The following CACNA1E variants were observed in gnomAD, a reference collection of about 807,000 sequenced individuals.
CACNA1E encodes the protein calcium voltage-gated channel subunit alpha1 E.
In CACNA1E, 40 loss-of-function variants were observed where a neutral mutation model predicts 259.2. The ratio of observed to expected loss-of-function variants is 0.15; its 90% confidence interval spans 0.12 to 0.20. The LOEUF is 0.20. Ranked by LOEUF, CACNA1E falls within the 10% of genes least tolerant of loss-of-function variation. The pLI is 1.00. For synonymous variants in CACNA1E, 1,104 were observed against 1,138.5 expected (o/e 0.97, Z 0.61); for missense variants, 1,874 against 3,040.1 (o/e 0.62, Z 9.02).
chr1:181,427,742 T>G (rs1390887366), intron 2 of CACNA1E, among the ~76,000 whole-genome samples: 4 of 147,878 alleles, frequency 2.7e-5, no homozygotes, highest in African/African-American at 1.0e-4. Flanking sequence ...TATGGTTGCT[T>G]CTTTCCCCTG....
chr1:181,751,203 T>C (rs569987425), intron 26 of CACNA1E, among the ~76,000 whole-genome samples: 1 of 152,260 alleles, frequency 6.6e-6, no homozygotes, highest in Non-Finnish European at 1.5e-5. Context: ...TGAATGCAAA[T>C]ATCTCAGGGG....
chr1:181,412,524 T>A (rs776273580), intron 1 of CACNA1E, among the ~76,000 whole-genome samples: 11 of 151,990 alleles, frequency 7.2e-5, no homozygotes, highest in Non-Finnish European at 1.2e-4. Flanking sequence ...GAGCCGTGAT[T>A]GCACCATTGC....
chr1:181,356,767 T>A (rs1022411952), intron 1 of CACNA1E, among the ~76,000 whole-genome samples: 1 of 152,186 alleles, frequency 6.6e-6, no homozygotes, highest in Non-Finnish European at 1.5e-5. Context: ...TCCTGTTGTA[T>A]CCTGGGAGTT....
intron 3 of CACNA1E, among the ~76,000 whole-genome samples, chr1:181,513,842 C>A (rs1666347871): frequency 6.6e-6 from 1 of 152,152 alleles, no homozygotes; most frequent in African/African-American, 2.4e-5. Context: ...GTCAGTTGTC[C>A]TCTCTGTGCT....
chr1:181,470,204 T>C (rs1275697679), intron 2 of CACNA1E, among the ~76,000 whole-genome samples: 3 of 152,078 alleles, frequency 2.0e-5, no homozygotes, highest in Admixed American at 6.5e-5. Context: ...AAATATTTTT[T>C]TTTTTATAGA....
intron 1 of CACNA1E, among the ~76,000 whole-genome samples, chr1:181,329,334 C>G (rs192387773): frequency 6.6e-6 from 1 of 152,130 alleles, no homozygotes; most frequent in Non-Finnish European, 1.5e-5. Context: ...TGTGGAGCTC[C>G]AAGCTCCACA....
chr1:181,779,095 T>C (rs1660202313), intron 38 of CACNA1E, among the ~76,000 whole-genome samples: 1 of 152,156 alleles, frequency 6.6e-6, no homozygotes, highest in Admixed American at 6.5e-5. Context: ...GTCTGAGTCA[T>C]TTGTGAATTG....
chr1:181,647,386 C>T (rs1472043748), intron 6 of CACNA1E, among the ~76,000 whole-genome samples: 2 of 152,090 alleles, frequency 1.3e-5, no homozygotes, highest in Non-Finnish European at 2.9e-5. Flanking sequence ...AAGGAGCTTG[C>T]GAGAACTGCC....
intron 46 of CACNA1E, 112 bp downstream of exon 46, chr1:181,795,156 G>A: frequency 1.2e-6 from 1 of 860,774 alleles, no homozygotes. Flanking sequence ...GACAAGGGCT[G>A]AAGAAAGTGA....
intron 1 of CACNA1E, among the ~76,000 whole-genome samples, chr1:181,487,195 G>A (rs1410432334): frequency 1.3e-5 from 2 of 152,166 alleles, no homozygotes; most frequent in East Asian, 1.9e-4. Context: ...TGTAGGACGA[G>A]GGGGATAATG....
chr1:181,465,693 CT>C (rs1330721230), intron 2 of CACNA1E, among the ~76,000 whole-genome samples: 1 of 152,036 alleles, frequency 6.6e-6, no homozygotes, highest in Non-Finnish European at 1.5e-5. Flanking sequence ...TTCAAATTAT[CT>C]TTTTTTCATT....
At chr1:181,350,217 A>G (rs550928563) in intron 1 of CACNA1E, among the ~76,000 whole-genome samples, 7 of 152,308 alleles carry the variant, frequency 4.6e-5, no homozygotes, top group African/African-American at 1.4e-4. Flanking sequence ...TGGGAAACTC[A>G]CGCAAGTGAT....
At chr1:181,683,190 T>C (rs1388421586) in intron 7 of CACNA1E, among the ~76,000 whole-genome samples, 1 of 152,246 alleles carries the variant, frequency 6.6e-6, no homozygotes, top group African/African-American at 2.4e-5. Flanking sequence ...ATCTTTGCAT[T>C]TTCCAGTCTA....
intron 2 of CACNA1E, among the ~76,000 whole-genome samples, chr1:181,446,760 T>A (rs1374375872): frequency 6.6e-6 from 1 of 152,164 alleles, no homozygotes; most frequent in African/African-American, 2.4e-5. Flanking sequence ...CTGGGAGACA[T>A]CATGAAATGT....
chr1:181,752,209 G>A lies in CACNA1E; in HGVS notation c.3798G>A (p.Leu1266=). 6.2e-7 allele frequency: 1 copy of A among 1,613,858 alleles called. No individual in the cohort carries two copies. Among genetic ancestry groups the A allele is most frequent in the Non-Finnish European group, 8.5e-7 (1 of 1,179,742 alleles). ...GGGTGCTCCGAGTTCTAAGGCCACT[G>A]AAAACCATCAAGCGCTTGCCCAAGC... The part of the protein sequence containing the change: ...SLRVLRVLRP[L]KTIKRLPKLK... The change falls in exon 27 of 48, where the codon CTG becomes CTA. Residue 1266 remains leucine (L), a synonymous_variant. Coordinates refer to ENST00000367573, the MANE Select transcript of CACNA1E (RefSeq NM_001205293.3).
In CACNA1E at chr1:181,801,763, G is replaced by A. The variant is rs937084006; in HGVS notation, c.*2929G>A. The A allele has an allele frequency of 6.6e-6, 1 of 152,146 alleles. No individual in the cohort carries two copies. The allele number at this position is 152,146 out of a possible 1,614,324, so 9.4% of individuals were successfully genotyped here. The stretch of plus-strand genomic sequence containing the variant: ...CATGCAAAAGAAGACTACAACCAGT[G>A]TTTCAGATATACCACAAGATCAAAT... On this transcript the variant is annotated 3_prime_UTR_variant, in exon 48 of 48. Coordinates refer to ENST00000367573, the MANE Select transcript of CACNA1E (RefSeq NM_001205293.3).
intron 3 of CACNA1E, among the ~76,000 whole-genome samples, chr1:181,544,642 G>A (rs942229154): frequency 3.9e-5 from 6 of 152,168 alleles, no homozygotes; most frequent in Admixed American, 6.5e-5. Context: ...TGTAGCTGGC[G>A]TTTTAGCACC....
In CACNA1E at chr1:181,408,048, G is replaced by A. The variant is rs186296773; in HGVS notation, c.-14-5085G>A. On this transcript the variant is annotated intron_variant, in intron 1 of 11. Coordinates refer to the CACNA1E transcript ENST00000524607. ...GTATGCCTACCACTCACCTCGTAGTGTTCATCAGTTCCATTTCTGTCCACT... is the reference window on the plus strand; with the variant it reads ...GTATGCCTACCACTCACCTCGTAGTATTCATCAGTTCCATTTCTGTCCACT... Among the ~76,000 whole-genome samples, 430 of 152,294 alleles carry A rather than the reference G, an allele frequency of 2.8e-3. 4 individuals are homozygous for A. The highest frequency in any genetic ancestry group is 9.6e-3 in the African/African-American group (401 of 41,572).
At chr1:181,709,517 C>T (rs1653124414) in intron 7 of CACNA1E, among the ~76,000 whole-genome samples, 1 of 152,184 alleles carries the variant, frequency 6.6e-6, no homozygotes, top group South Asian at 2.1e-4. Flanking sequence ...CTTCCCTTTC[C>T]CTGCACTGTA....
Sources: gnomAD v4.1 joint callset for allele counts (sites outside exome capture counted in the v4.1 genomes callset) on GRCh38, gnomAD v4.1.1 for gene constraint, MANE v1.5 for transcripts, NCBI Gene and HGNC (gene_info 2026-07-23, HGNC 2026-07-21) for gene names.